STAM2: variants seen among roughly 807,000 people sequenced by gnomAD.
STAM2 encodes the protein signal transducing adapter molecule 2.
In STAM2, 51 loss-of-function variants were observed where a neutral mutation model predicts 65.6. The observed-to-expected ratio is 0.78, with a 90% CI of 0.62 to 0.98. The LOEUF (loss-of-function observed/expected upper bound fraction) is 0.98. Ranked by LOEUF, STAM2 falls within the 50% of genes least tolerant of loss-of-function variation. STAM2 has a pLI of 0.00. For missense variants in STAM2, 584 were observed against 617.8 expected (o/e 0.95, Z 0.58); for synonymous variants, 198 against 208.4 (o/e 0.95, Z 0.43).
intron 13 of STAM2, among the ~76,000 whole-genome samples, chr2:152,121,165 G>T (rs1236699621): frequency 6.6e-6 from 1 of 152,060 alleles, no homozygotes; most frequent in East Asian, 1.9e-4. Flanking sequence ...GTAGAGACTG[G>T]GTCTTGCTAT....
rs569825518 is a variant in STAM2 at position 152,164,039 on chromosome 2, T to A, written c.40+11564A>T. ...GAAGCATGTGATCTTTATGACCTAC[T>A]CCCTGTTCGTACACCCCCTCCCCTT... On this transcript the variant is annotated intron_variant, in intron 1 of 13. Transcript: ENST00000263904. Among the ~76,000 whole-genome samples, 5 of 152,076 alleles carry A rather than the reference T, an allele frequency of 3.3e-5. 1 individual carries two copies. Among genetic ancestry groups the A allele is most frequent in the African/African-American group, 9.6e-5 (4 of 41,534 alleles).
chr2:152,147,841 A>C (rs1008075985), intron 4 of STAM2, among the ~76,000 whole-genome samples, 183 bp downstream of exon 4: 12 of 152,206 alleles, frequency 7.9e-5, no homozygotes, highest in Non-Finnish European at 1.8e-4. Flanking sequence ...CAGTATATAT[A>C]CTTTGGGGAG....
At chr2:152,134,406 A>C (rs1689116117) in intron 8 of STAM2, among the ~76,000 whole-genome samples, 1 of 152,208 alleles carries the variant, frequency 6.6e-6, no homozygotes, top group Non-Finnish European at 1.5e-5. Flanking sequence ...ATCTACTTAG[A>C]GAGTCAGTTA....
intron 7 of STAM2, among the ~76,000 whole-genome samples, chr2:152,136,000 G>A (rs1212103618): frequency 6.7e-6 from 1 of 148,412 alleles, no homozygotes; most frequent in Non-Finnish European, 1.5e-5. Context: ...TGAGGCAGGA[G>A]AATCGCTTAA....
intron 1 of STAM2, among the ~76,000 whole-genome samples, chr2:152,164,301 T>C (rs902200719): frequency 8.6e-5 from 13 of 152,024 alleles, no homozygotes; most frequent in Non-Finnish European, 1.9e-4. Context: ...AATTCAACTC[T>C]CGTTTACAAG....
intron 8 of STAM2, among the ~76,000 whole-genome samples, chr2:152,134,383 C>A (rs1253257225): frequency 6.6e-6 from 1 of 152,106 alleles, no homozygotes; most frequent in African/African-American, 2.4e-5. Flanking sequence ...TTAAAGGTAT[C>A]TCCAATATTC....
intron 8 of STAM2, among the ~76,000 whole-genome samples, chr2:152,135,135 CCA>C (rs1689130734): frequency 6.6e-6 from 1 of 152,226 alleles, no homozygotes; most frequent in African/African-American, 2.4e-5. Flanking sequence ...CCTCCCCACA[CCA>C]CTCCCGCTTT....
chr2:152,159,708 GCTCCCT>G (rs757802740), intron 1 of STAM2, among the ~76,000 whole-genome samples: 16 of 151,956 alleles, frequency 1.1e-4, no homozygotes, highest in Admixed American at 2.0e-4. Flanking sequence ...GAACAGGATT[GCTCCCT>G]CTCCCTCTCC....
chr2:152,161,864 C>T (rs1477659653), intron 1 of STAM2, among the ~76,000 whole-genome samples: 1 of 151,900 alleles, frequency 6.6e-6, no homozygotes, highest in East Asian at 1.9e-4. Flanking sequence ...TCTTAGCTGC[C>T]CAGGCTGGAG....
At chr2:152,164,569 C>T (rs1056744976) in intron 1 of STAM2, among the ~76,000 whole-genome samples, 3 of 152,114 alleles carry the variant, frequency 2.0e-5, no homozygotes, top group Admixed American at 1.3e-4. Flanking sequence ...CTCAAATTCC[C>T]GACCTCAGGT....
At chr2:152,125,450 A>G (rs1688947081) in intron 12 of STAM2, among the ~76,000 whole-genome samples, 1 of 152,154 alleles carries the variant, frequency 6.6e-6, no homozygotes, top group Non-Finnish European at 1.5e-5. Context: ...GTTTTCATAA[A>G]TTAACATGAA....
Position 152,123,915 on chromosome 2 carries a change from A to G in STAM2, c.1200T>C (p.His400=). The G allele has an allele frequency of 1.2e-6, 2 of 1,614,110 alleles. No homozygotes were observed. The highest frequency in any genetic ancestry group is 1.7e-6 in the Non-Finnish European group (2 of 1,179,998). ...VPMQTYPVQS[H]GGNYMGQSIH... ...TGCTCTGACCCATATAGTTTCCACCATGTGATTGAACTGGATATGTCTATT... is the reference window on the plus strand; with the variant it reads ...TGCTCTGACCCATATAGTTTCCACCGTGTGATTGAACTGGATATGTCTATT... The change falls in exon 13 of 14, where the codon CAT becomes CAC. Residue 400 remains histidine (H), a synonymous_variant. Coordinates refer to ENST00000263904, the MANE Select transcript of STAM2 (RefSeq NM_005843.6).
intron 11 of STAM2, among the ~76,000 whole-genome samples, chr2:152,131,382 G>A (rs575097975): frequency 2.0e-5 from 3 of 152,154 alleles, no homozygotes; most frequent in Non-Finnish European, 4.4e-5. Flanking sequence ...GAACCGGGGA[G>A]GCAGAGGTTG....
intron 5 of STAM2, among the ~76,000 whole-genome samples, chr2:152,146,271 CAAAAAAAAAAAA>C (rs201803866): frequency 1.0e-5 from 1 of 97,186 alleles, no homozygotes; most frequent in Non-Finnish European, 2.0e-5. Context: ...AACTCCATCT[CAAAAAAAAAAAA>C]AAAAAAATCT....
chr2:152,161,230 T>C (rs1369247808), intron 1 of STAM2, among the ~76,000 whole-genome samples: 2 of 151,530 alleles, frequency 1.3e-5, no homozygotes, highest in Non-Finnish European at 2.9e-5. Context: ...ACATGTGCTG[T>C]GTCCACTCAG....
At chr2:152,158,892 C>T (rs1689604449) in intron 1 of STAM2, among the ~76,000 whole-genome samples, 1 of 151,736 alleles carries the variant, frequency 6.6e-6, no homozygotes, top group Admixed American at 6.6e-5. Flanking sequence ...GACGTAAACA[C>T]TTCCCAAAAG....
chr2:152,135,508 C>A lies in STAM2; in HGVS notation c.799+1G>T. 3 of 1,597,488 alleles carry A rather than the reference C, an allele frequency of 1.9e-6. No individual in the cohort carries two copies. Among genetic ancestry groups the A allele is most frequent in the Non-Finnish European group, 2.6e-6 (3 of 1,168,986 alleles). ...CTAATGTCGTCTAAGATTTAACTTA[C>A]CTGCCTCAGTCTCTATGTTTAAATT... On this transcript the variant is annotated splice_donor_variant, in intron 8 of 13. Coordinates refer to ENST00000263904, the MANE Select transcript of STAM2 (RefSeq NM_005843.6). LOFTEE classifies it high-confidence loss of function.
chr2:152,166,849 A>T (rs1689796903), intron 1 of STAM2, among the ~76,000 whole-genome samples: 2 of 152,246 alleles, frequency 1.3e-5, no homozygotes, highest in East Asian at 1.9e-4. Flanking sequence ...AGATAAGAAT[A>T]AAAAAAACTT....
Position 152,143,926 on chromosome 2 carries a change from T to G in STAM2, c.605A>C (p.Lys202Thr). The G allele has an allele frequency of 6.2e-7, 1 of 1,613,840 alleles. No individual in the cohort carries two copies. The highest frequency in any genetic ancestry group is 8.5e-7 in the Non-Finnish European group (1 of 1,179,858). Reference protein sequence around the residue: ...YPSSEIQLNNKVARKVRALYD... With the variant: ...YPSSEIQLNNTVARKVRALYD... ...TAAAGCTCTCACTTTCCGTGCAACC[T>G]TATTATTTAACTGAATTTCTGAAGA... Residue 202 changes from lysine to threonine, a missense_variant, in exon 7 of 14, where the codon AAG becomes ACG. Transcript: ENST00000263904.
Sources: allele counts gnomAD v4.1 joint callset (sites outside exome capture counted in the v4.1 genomes callset), GRCh38; gene constraint gnomAD v4.1.1; transcripts MANE v1.5; gene names NCBI Gene and HGNC (gene_info 2026-07-23, HGNC 2026-07-21).